CMC1: variants seen among roughly 807,000 people sequenced by gnomAD.
The protein encoded by CMC1 is C-X9-C motif containing 1.
CMC1 carries 14 observed loss-of-function variants against 14.1 expected under a neutral mutation model. That is an observed-to-expected ratio of 0.99 (90% CI 0.66 to 1.55). The LOEUF is 1.55. Ranked by LOEUF, CMC1 falls within the 40% of genes most tolerant of loss-of-function variation. CMC1 has a pLI of 0.00. For missense variants in CMC1, 127 were observed against 123.8 expected (o/e 1.03, Z -0.12); for synonymous variants, 50 against 38.4 (o/e 1.30, Z -1.12).
intron 1 of CMC1, among the ~76,000 whole-genome samples, chr3:28,246,896 A>G (rs1698858422): frequency 6.8e-6 from 1 of 147,940 alleles, no homozygotes; most frequent in Non-Finnish European, 1.5e-5. Context: ...CATTTACTAG[A>G]TGGTTGTTGA....
chr3:28,320,892 G>A lies in CMC1; in HGVS notation c.*1263G>A, dbSNP rs942554291. The A allele has an allele frequency of 3.3e-5, 5 of 151,292 alleles. No individual in the cohort carries two copies. Among genetic ancestry groups the A allele is most frequent in the East Asian group, 2.0e-4 (1 of 5,124 alleles). The allele number at this position is 151,292 out of a possible 1,614,324, so 9.4% of individuals were successfully genotyped here. A position where few individuals can be genotyped will look rare whatever the true frequency, so the allele number is the denominator to read the frequency against. ...TAGTTTCAAGATAAGTAAATTTTAC[G>A]TATATTTTCACAGTCCTCATTAAAA... On this transcript the variant is annotated 3_prime_UTR_variant, in exon 4 of 4. Coordinates refer to ENST00000466830, the MANE Select transcript of CMC1 (RefSeq NM_182523.2).
At chr3:28,309,820 A>ACC (rs1040835321) in intron 2 of CMC1, among the ~76,000 whole-genome samples, 6 of 95,712 alleles carry the variant, frequency 6.3e-5, no homozygotes, top group Admixed American at 1.1e-4. Context: ...GCTGATATTT[A>ACC]CCACACACAC....
intron 1 of CMC1, among the ~76,000 whole-genome samples, chr3:28,243,204 C>T (rs1698625234): frequency 6.6e-6 from 1 of 151,968 alleles, no homozygotes; most frequent in Non-Finnish European, 1.5e-5. Context: ...TACGGGCGCC[C>T]GCCACCACGG....
chr3:28,278,175 T>C (rs1700691534), intron 2 of CMC1, among the ~76,000 whole-genome samples: 1 of 151,910 alleles, frequency 6.6e-6, no homozygotes, highest in Admixed American at 6.6e-5. Flanking sequence ...ATTTTGAAAG[T>C]AGAGGCAACA....
intron 2 of CMC1, among the ~76,000 whole-genome samples, chr3:28,305,779 ATTTTTTTTTTTTTTT>A (rs71087685): frequency 9.9e-4 from 43 of 43,572 alleles, no homozygotes; most frequent in Middle Eastern, 0.024. Context: ...TTTCATAGGA[ATTTTTTTTTTTTTTT>A]TTTTTTTTTT....
chr3:28,251,264 G>C (rs888691287), intron 1 of CMC1, among the ~76,000 whole-genome samples: 2 of 152,160 alleles, frequency 1.3e-5, no homozygotes, highest in South Asian at 4.1e-4. Flanking sequence ...GGGACCAAAC[G>C]TGAGAGGTGT....
chr3:28,318,105 A>C (rs1018654147), intron 3 of CMC1: 18 of 151,954 alleles, frequency 1.2e-4, no homozygotes, highest in African/African-American at 4.3e-4. Context: ...ATTCATCTTT[A>C]AATAAGAAGG....
intron 2 of CMC1, among the ~76,000 whole-genome samples, chr3:28,276,019 T>G (rs935689516): frequency 6.6e-6 from 1 of 152,126 alleles, no homozygotes; most frequent in African/African-American, 2.4e-5. Context: ...TGCCCCTTCT[T>G]CTGGGAGCTC....
chr3:28,253,211 G>A (rs896581294), intron 1 of CMC1, among the ~76,000 whole-genome samples: 1 of 152,132 alleles, frequency 6.6e-6, no homozygotes, highest in South Asian at 2.1e-4. Flanking sequence ...AATTGAGAAC[G>A]CTGGTCTCAT....
At chr3:28,275,248 G>A (rs900890158) in intron 2 of CMC1, among the ~76,000 whole-genome samples, 16 of 150,454 alleles carry the variant, frequency 1.1e-4, no homozygotes, top group Non-Finnish European at 2.2e-4. Flanking sequence ...TTCGGTCTTT[G>A]ATGTCCTTTA....
At chr3:28,314,949 A>G (rs1223244068) in intron 2 of CMC1, 2 of 152,214 alleles carry the variant, frequency 1.3e-5, no homozygotes, top group Non-Finnish European at 2.9e-5. Flanking sequence ...AAAGAGAGGA[A>G]TCTTGATTAT....
chr3:28,283,026 T>C (rs530883807), intron 2 of CMC1, among the ~76,000 whole-genome samples: 64 of 152,352 alleles, frequency 4.2e-4, no homozygotes, highest in African/African-American at 1.5e-3. Context: ...CATGTATTTG[T>C]TGCAAAGTAT....
rs1703230924 is a variant in CMC1 at position 28,322,879 on chromosome 3, TAA to T, written c.*3253_*3254del. The T allele has an allele frequency of 6.6e-6, 1 of 151,166 alleles. No individual in the cohort carries two copies. Among genetic ancestry groups the T allele is most frequent in the African/African-American group, 2.4e-5 (1 of 41,308 alleles). 9.4% of individuals were successfully genotyped at this position (151,166 alleles called of 1,614,324 possible). A position where few individuals can be genotyped will look rare whatever the true frequency, so the allele number is the denominator to read the frequency against. On this transcript the variant is annotated 3_prime_UTR_variant, in exon 4 of 4. Transcript: ENST00000466830. ...ATATGAAACTGTCTATCAAAAAGGATAAAAGTCCTCCTACATGAAATACTTTA... is the reference window on the plus strand; with the variant it reads ...ATATGAAACTGTCTATCAAAAAGGATAAGTCCTCCTACATGAAATACTTTA...
At chr3:28,298,871 TG>T (rs1221308837) in intron 2 of CMC1, among the ~76,000 whole-genome samples, 3 of 152,040 alleles carry the variant, frequency 2.0e-5, no homozygotes, top group African/African-American at 7.2e-5. Context: ...ATAATTTGGT[TG>T]TTTTTAAGCA....
chr3:28,308,294 G>A lies in CMC1; in HGVS notation c.110-8039G>A, dbSNP rs571689270. ...CTTTAAAAAAAAAAGAAAAGAAAAA[G>A]CTACTTTTATATCTTCATGAACGGT... On this transcript the variant is annotated intron_variant, in intron 2 of 3. Transcript: ENST00000466830. Among the ~76,000 whole-genome samples, 27 of 151,916 alleles carry A rather than the reference G, an allele frequency of 1.8e-4. No individual in the cohort carries two copies. In the East Asian group the frequency reaches 5.0e-3, roughly 28 times the overall value.
Position 28,241,703 on chromosome 3 carries a change from A to G in CMC1, c.-91A>G. The G allele has an allele frequency of 8.1e-7, 1 of 1,237,124 alleles. No individual in the cohort carries two copies. The highest frequency in any genetic ancestry group is 1.0e-6 in the Non-Finnish European group (1 of 987,730). 76.6% of individuals were successfully genotyped at this position (1,237,124 alleles called of 1,614,324 possible). On this transcript the variant is annotated 5_prime_UTR_variant, in exon 1 of 4. Coordinates refer to ENST00000466830, the MANE Select transcript of CMC1 (RefSeq NM_182523.2). The stretch of plus-strand genomic sequence containing the variant: ...GTTGCGGGAAGCTCCCGGGGGTCGC[A>G]CGTGCGTCCGAGCCCAAGCCCCTCC...
intron 2 of CMC1, among the ~76,000 whole-genome samples, chr3:28,275,735 G>T (rs1424544153): frequency 1.3e-5 from 2 of 152,144 alleles, no homozygotes; most frequent in Non-Finnish European, 2.9e-5. Context: ...CTGCTGATAT[G>T]AGGAGATCGT....
intron 2 of CMC1, among the ~76,000 whole-genome samples, chr3:28,285,883 C>T (rs1701149731): frequency 6.6e-6 from 1 of 151,736 alleles, no homozygotes; most frequent in Non-Finnish European, 1.5e-5. Flanking sequence ...TCTCCTGCTT[C>T]AGCCTCCCGA....
In CMC1 at chr3:28,261,729, G is replaced by A. The variant is rs1469383790; in HGVS notation, c.20-1562G>A. 3.3e-5 allele frequency among the ~76,000 whole-genome samples: 5 copies of A among 152,220 alleles called. No individual in the cohort carries two copies. The East Asian group carries it at 9.6e-4, about 29-fold the overall frequency. On this transcript the variant is annotated intron_variant, in intron 1 of 3. Coordinates refer to ENST00000466830, the MANE Select transcript of CMC1 (RefSeq NM_182523.2). ...TGTTGCACATAGTAGTCATTCCCCA[G>A]TGTACGAAGGGGATTGGTTTCAGGA...
Sources: gnomAD v4.1 joint callset for allele counts (sites outside exome capture counted in the v4.1 genomes callset) on GRCh38, gnomAD v4.1.1 for gene constraint, MANE v1.5 for transcripts, NCBI Gene and HGNC (gene_info 2026-07-23, HGNC 2026-07-21) for gene names.